The following SLC5A8 variants were observed in gnomAD, a reference collection of about 807,000 sequenced individuals.
SLC5A8 encodes the protein solute carrier family 5 member 8.
In SLC5A8, 55 loss-of-function variants were observed where a neutral mutation model predicts 71.9. The observed-to-expected ratio is 0.77, with a 90% CI of 0.62 to 0.96. The LOEUF (loss-of-function observed/expected upper bound fraction) is 0.96. Ranked by LOEUF, SLC5A8 falls within the 40% of genes least tolerant of loss-of-function variation. The pLI is 0.00. For synonymous variants in SLC5A8, 307 were observed against 276.1 expected (o/e 1.11, Z -1.11); for missense variants, 701 against 745.3 (o/e 0.94, Z 0.69).
At chr12:101,172,748 T>C (rs2051841934) in intron 10 of SLC5A8, among the ~76,000 whole-genome samples, 1 of 152,170 alleles carries the variant, frequency 6.6e-6, no homozygotes, top group Non-Finnish European at 1.5e-5. Context: ...TAGGGATTCT[T>C]AGCTATTCTT....
Position 101,209,666 on chromosome 12 carries a change from G to A in SLC5A8, c.183C>T (p.Leu61=), listed in dbSNP as rs1869834568. 1 of 1,613,866 alleles carries A rather than the reference G, an allele frequency of 6.2e-7. No individual in the cohort carries two copies. The highest frequency in any genetic ancestry group is 8.5e-7 in the Non-Finnish European group (1 of 1,180,046). The change falls in exon 1 of 15, where the codon CTC becomes CTT. Residue 61 remains leucine (L), a synonymous_variant. Coordinates refer to ENST00000536262, the MANE Select transcript of SLC5A8 (RefSeq NM_145913.5). ...TGACGGCTGACATGAAGCTAGCGGTGAGGGACAGCGCCACGGGCACTGCGG... is the reference window on the plus strand; with the variant it reads ...TGACGGCTGACATGAAGCTAGCGGTAAGGGACAGCGCCACGGGCACTGCGG... ...RMTAVPVALS[L]TASFMSAVTV... is the part of the protein sequence containing the mutation.
Position 101,209,893 on chromosome 12 carries a change from C to G in SLC5A8, c.-45G>C. 3 of 1,460,148 alleles carry G rather than the reference C, an allele frequency of 2.1e-6. No homozygotes were observed. Among genetic ancestry groups the G allele is most frequent in the Non-Finnish European group, 2.7e-6 (3 of 1,101,922 alleles). 90.4% of individuals were successfully genotyped at this position (1,460,148 alleles called of 1,614,324 possible). A position where few individuals can be genotyped will look rare whatever the true frequency, so the allele number is the denominator to read the frequency against. Reference sequence around the variant, plus strand: ...CCCTGCGCGCAAACTGGTGGCCCCGCGGCGCGCAGCCGGAGCCCGGCGCGC... The same window carrying G: ...CCCTGCGCGCAAACTGGTGGCCCCGGGGCGCGCAGCCGGAGCCCGGCGCGC... On this transcript the variant is annotated 5_prime_UTR_variant, in exon 1 of 15. Transcript: ENST00000536262.
At chr12:101,178,638 A>G (rs2051903444) in intron 10 of SLC5A8, among the ~76,000 whole-genome samples, 1 of 152,184 alleles carries the variant, frequency 6.6e-6, no homozygotes, top group Admixed American at 6.5e-5. Context: ...TAAGTCTCAC[A>G]TTTTATACAA....
chr12:101,183,035 C>CCT (rs1868438879), intron 8 of SLC5A8, 120 bp from the exon 9 acceptor site: 2 of 73,518 alleles, frequency 2.7e-5, no homozygotes, highest in African/African-American at 1.2e-4. Context: ...TTCTACTATG[C>CCT]TTTTTTTTTT....
Position 101,183,517 on chromosome 12 carries a change from C to T in SLC5A8, c.1053-602G>A, listed in dbSNP as rs145175700. Among the ~76,000 whole-genome samples, 84 of 152,236 alleles carry T rather than the reference C, an allele frequency of 5.5e-4. No homozygotes were observed. In the East Asian group the frequency reaches 0.015, roughly 27 times the overall value. On this transcript the variant is annotated intron_variant, in intron 8 of 14. Transcript: ENST00000536262. ...CTAAAAGAGTCTACATAGATTACTCCGTATTCCTATGCATAACAACTTTAA... is the reference window on the plus strand; with the variant it reads ...CTAAAAGAGTCTACATAGATTACTCTGTATTCCTATGCATAACAACTTTAA...
chr12:101,184,561 A>G (rs2137147995), intron 7 of SLC5A8, among the ~76,000 whole-genome samples: 1 of 152,346 alleles, frequency 6.6e-6, no homozygotes, highest in African/African-American at 2.4e-5. Context: ...AACTCATAGT[A>G]TAGTATATGG....
At chr12:101,157,533 A>G in intron 14 of SLC5A8, 132 bp from the exon 15 acceptor site, 3 of 1,101,100 alleles carry the variant, frequency 2.7e-6, no homozygotes, top group Middle Eastern at 3.0e-4. Flanking sequence ...AGAGAAATAT[A>G]TAACAGGTAT....
intron 13 of SLC5A8, among the ~76,000 whole-genome samples, chr12:101,160,466 G>C (rs1300330398): frequency 6.6e-6 from 1 of 152,172 alleles, no homozygotes; most frequent in Non-Finnish European, 1.5e-5. Flanking sequence ...CAGCTTTGTA[G>C]CATGGAGCAA....
chr12:101,192,971 C>CTTTTT (rs35246165), intron 5 of SLC5A8, among the ~76,000 whole-genome samples: 1 of 125,952 alleles, frequency 7.9e-6, no homozygotes, highest in African/African-American at 3.0e-5. Flanking sequence ...TACCTTTTCT[C>CTTTTT]TTTTTTTTTT....
Position 101,193,791 on chromosome 12 carries a change from A to G in SLC5A8, c.538-12T>C. 6.2e-7 allele frequency: 1 copy of G among 1,613,406 alleles called. No individual in the cohort carries two copies. The highest frequency in any genetic ancestry group is 2.2e-5 in the East Asian group (1 of 44,862). The stretch of plus-strand genomic sequence containing the variant: ...GCTTTAAGACCACCCTTTGAGGGGA[A>G]AGTATATTAGGATTAATGCTTCTAT... On this transcript the variant is annotated splice_polypyrimidine_tract_variant and intron_variant, in intron 4 of 14. Coordinates refer to ENST00000536262, the MANE Select transcript of SLC5A8 (RefSeq NM_145913.5).
At chr12:101,204,604 C>A (rs186345022) in intron 1 of SLC5A8, 39 bp from the exon 2 acceptor site, 3 of 1,443,532 alleles carry the variant, frequency 2.1e-6, no homozygotes, top group South Asian at 2.6e-5. Context: ...CCTCTGGATG[C>A]CTTTTTTAAA....
chr12:101,183,518 G>A (rs187146024), intron 8 of SLC5A8, among the ~76,000 whole-genome samples: 20 of 152,188 alleles, frequency 1.3e-4, no homozygotes, highest in East Asian at 1.9e-4. Flanking sequence ...AGATTACTCC[G>A]TATTCCTATG....
chr12:101,168,302 C>T (rs1223140327), intron 10 of SLC5A8, 120 bp from the exon 11 acceptor site: 2 of 911,620 alleles, frequency 2.2e-6, no homozygotes, highest in Non-Finnish European at 3.3e-6. Context: ...ATCATAGTTT[C>T]AGTCATGATA....
chr12:101,167,584 C>T (rs1423384957), intron 11 of SLC5A8, among the ~76,000 whole-genome samples: 2 of 152,204 alleles, frequency 1.3e-5, no homozygotes, highest in Non-Finnish European at 2.9e-5. Context: ...GATATTACGT[C>T]TTTCTGGAAA....
At chr12:101,159,051 C>T (rs113842641) in intron 13 of SLC5A8, among the ~76,000 whole-genome samples, 3,065 of 151,930 alleles carry the variant, frequency 0.02, 118 homozygotes, top group African/African-American at 0.071. Context: ...CCTCAAACTA[C>T]CCTTCCCCAA....
At chr12:101,191,751 G>T (rs753063227) in intron 5 of SLC5A8, among the ~76,000 whole-genome samples, 1 of 152,142 alleles carries the variant, frequency 6.6e-6, no homozygotes, top group African/African-American at 2.4e-5. Flanking sequence ...GCAATACTTT[G>T]TCTATCATAT....
intron 7 of SLC5A8, among the ~76,000 whole-genome samples, chr12:101,186,663 C>T (rs368848978): frequency 3.3e-5 from 5 of 152,250 alleles, no homozygotes; most frequent in East Asian, 3.9e-4. Flanking sequence ...GGCCTGAGTT[C>T]TCTCATCTTT....
intron 11 of SLC5A8, among the ~76,000 whole-genome samples, 160 bp downstream of exon 11, chr12:101,167,936 G>A (rs113077422): frequency 2.6e-5 from 4 of 152,244 alleles, no homozygotes; most frequent in African/African-American, 4.8e-5. Flanking sequence ...CCCATACATA[G>A]TACTTCCTTG....
At chr12:101,175,110 G>A (rs1348869911) in intron 10 of SLC5A8, among the ~76,000 whole-genome samples, 1 of 151,908 alleles carries the variant, frequency 6.6e-6, no homozygotes, top group African/African-American at 2.4e-5. Context: ...AAAAAAAGAA[G>A]ATATTAGGAA....
Sources: gnomAD v4.1 joint callset for allele counts (sites outside exome capture counted in the v4.1 genomes callset) on GRCh38, gnomAD v4.1.1 for gene constraint, MANE v1.5 for transcripts, NCBI Gene and HGNC (gene_info 2026-07-23, HGNC 2026-07-21) for gene names.